Variants in DYDC2 observed in about 807,000 individuals in gnomAD.
The protein encoded by DYDC2 is DPY30 domain containing 2, also known as DPY30 domain-containing protein 2.
A neutral mutation model predicts 18.7 loss-of-function variants in DYDC2; 19 were observed. The ratio of observed to expected loss-of-function variants is 1.02; its 90% CI spans 0.71 to 1.49. The LOEUF is 1.49. Among genes scored for constraint, DYDC2 ranks in the 40% most tolerant of loss-of-function variants. The pLI, the probability that DYDC2 is intolerant of heterozygous loss-of-function variation, is 0.00. For synonymous variants in DYDC2, 63 were observed against 67.6 expected (o/e 0.93, Z 0.34); for missense variants, 179 against 205.1 (o/e 0.87, Z 0.78).
intron 4 of DYDC2, among the ~76,000 whole-genome samples, chr10:80,364,032 G>T (rs1040416508): frequency 6.6e-6 from 1 of 152,066 alleles, no homozygotes; most frequent in African/African-American, 2.4e-5. Context: ...ATAGAGAGTC[G>T]TCTCAATTGC....
chr10:80,366,028 C>CTTTTTTTT (rs770351822), intron 4 of DYDC2, among the ~76,000 whole-genome samples: 49 of 90,332 alleles, frequency 5.4e-4, no homozygotes, highest in East Asian at 7.8e-4. Context: ...TTTTCTTTCT[C>CTTTTTTTT]TTTTTTTTTT....
chr10:80,358,178 A>T (rs934730350), intron 2 of DYDC2, 133 bp downstream of exon 2: 5 of 562,382 alleles, frequency 8.9e-6, no homozygotes, highest in Non-Finnish European at 1.1e-5. Context: ...AGGAATTCAA[A>T]ACCAGCCTGG....
upstream of DYDC2, chr10:80,351,807 CTG>C: frequency 9.1e-7 from 1 of 1,093,590 alleles, no homozygotes. Flanking sequence ...ATCTAAATAA[CTG>C]GAGCTGGGAA....
At position 80,358,802 on chromosome 10, in the gene DYDC2, C is replaced by A. The variant is rs115510361; in HGVS notation, c.-10+757C>A. Among the ~76,000 whole-genome samples the A allele has an allele frequency of 6.1e-3, 932 of 152,252 alleles. 9 individuals carry two copies. The highest frequency in any genetic ancestry group is 0.021 in the African/African-American group (887 of 41,520). On this transcript the variant is annotated intron_variant, in intron 2 of 4. Transcript: ENST00000256039. ...GGTCTCACTGAGTTCTAGAATGAAG[C>A]CGTGGACCCTCACAGTGAGTATTAC...
upstream of DYDC2, chr10:80,351,934 C>G: frequency 6.2e-7 from 1 of 1,614,206 alleles, no homozygotes; most frequent in Non-Finnish European, 8.5e-7. Flanking sequence ...CTTTGAGCCT[C>G]TCCATCATTT....
intron 4 of DYDC2, among the ~76,000 whole-genome samples, chr10:80,364,641 T>G (rs1312597588): frequency 6.6e-6 from 1 of 152,216 alleles, no homozygotes; most frequent in Non-Finnish European, 1.5e-5. Context: ...TATGTCATTC[T>G]TTTGCCAAGT....
intron 4 of DYDC2, among the ~76,000 whole-genome samples, chr10:80,365,865 A>G (rs1404829092): frequency 1.3e-5 from 2 of 152,086 alleles, no homozygotes; most frequent in African/African-American, 4.8e-5. Flanking sequence ...CATTTATAGA[A>G]TTTCTATTTA....
intron 1 of DYDC2, among the ~76,000 whole-genome samples, chr10:80,346,780 A>G (rs1321685347): frequency 1.3e-5 from 2 of 151,920 alleles, no homozygotes; most frequent in East Asian, 3.9e-4. Context: ...CCTTTCTGAT[A>G]ACAGCCATCT....
intron 2 of DYDC2, among the ~76,000 whole-genome samples, chr10:80,359,537 G>A (rs1011457269): frequency 1.4e-4 from 21 of 152,136 alleles, no homozygotes; most frequent in Admixed American, 5.9e-4. Flanking sequence ...ACCGGGCACC[G>A]CGGAGCAGTG....
chr10:80,356,202 G>T, upstream of DYDC2: 1 of 966,312 alleles, frequency 1.0e-6, no homozygotes, highest in Non-Finnish European at 1.2e-6. Context: ...TCTGTGAAAC[G>T]AGGATAATAC....
chr10:80,362,790 G>C (rs1048143006), intron 3 of DYDC2, among the ~76,000 whole-genome samples, 161 bp from the exon 4 acceptor site: 5 of 152,168 alleles, frequency 3.3e-5, no homozygotes, highest in Admixed American at 6.5e-5. Context: ...ACGAGCTGTG[G>C]AGTTGAAGGG....
chr10:80,347,440 G>A (rs1469236119), intron 1 of DYDC2, among the ~76,000 whole-genome samples: 1 of 152,018 alleles, frequency 6.6e-6, no homozygotes, highest in Non-Finnish European at 1.5e-5. Context: ...CTGTGCAAGA[G>A]CATTTTAGTT....
upstream of DYDC2, chr10:80,356,700 C>T: frequency 1.0e-6 from 1 of 984,306 alleles, no homozygotes; most frequent in South Asian, 4.7e-5. Context: ...CGGGCCTTTC[C>T]GGTGCGCTCA....
At chr10:80,356,457 AGTGTG>A, upstream of DYDC2, 1 of 985,288 alleles carries the variant, frequency 1.0e-6, no homozygotes. Flanking sequence ...CGGGGCGCTC[AGTGTG>A]GTTTTCCCAC....
chr10:80,350,851 G>A (rs1589517871), intron 1 of DYDC2, among the ~76,000 whole-genome samples: 2 of 152,096 alleles, frequency 1.3e-5, no homozygotes, highest in Admixed American at 1.3e-4. Context: ...TCTCCAGCTT[G>A]TACTCCATGA....
At chr10:80,354,785 C>T (rs1485458114), upstream of DYDC2, among the ~76,000 whole-genome samples, 2 of 152,112 alleles carry the variant, frequency 1.3e-5, no homozygotes, top group African/African-American at 4.8e-5. Context: ...AGGGTCCTCA[C>T]CAGACACCAG....
At chr10:80,366,028 C>CTTTTTTTTTTTTTTTT (rs770351822) in intron 4 of DYDC2, among the ~76,000 whole-genome samples, 4 of 90,326 alleles carry the variant, frequency 4.4e-5, no homozygotes, top group African/African-American at 1.6e-4. Context: ...TTTTCTTTCT[C>CTTTTTTTTTTTTTTTT]TTTTTTTTTT....
intron 4 of DYDC2, among the ~76,000 whole-genome samples, chr10:80,364,591 T>C (rs1843769426): frequency 6.6e-6 from 1 of 152,248 alleles, no homozygotes. Context: ...TTTTGCATCC[T>C]GCAGCAATAT....
upstream of DYDC2, chr10:80,352,413 G>T: frequency 6.6e-7 from 1 of 1,514,792 alleles, no homozygotes; most frequent in Non-Finnish European, 8.8e-7. Context: ...AGTTGGACCA[G>T]TTTTTTTTCT....
Sources: gnomAD v4.1 joint callset for allele counts (sites outside exome capture counted in the v4.1 genomes callset) on GRCh38, gnomAD v4.1.1 for gene constraint, MANE v1.5 for transcripts, NCBI Gene and HGNC (gene_info 2026-07-23, HGNC 2026-07-21) for gene names.